The following HPD variants were observed in gnomAD, a reference collection of about 807,000 sequenced individuals.
HPD encodes the protein 4-hydroxyphenylpyruvate dioxygenase, also known as 4-hydroxyphenylpyruvic acid oxidase.
HPD carries 35 observed loss-of-function variants against 56.9 expected under a neutral mutation model. The ratio of observed to expected loss-of-function variants is 0.62; its 90% CI spans 0.47 to 0.82. The LOEUF (loss-of-function observed/expected upper bound fraction) is 0.82, where lower values mean the gene tolerates loss of function less well. Among genes scored for constraint, HPD ranks in the 40% least tolerant of loss-of-function variants. The probability of loss-of-function intolerance (pLI) is 0.00; values close to 1 mark genes in which losing one functional copy is unlikely to be tolerated. For synonymous variants in HPD, 186 were observed against 200.2 expected, an observed-to-expected ratio of 0.93 and a Z score of 0.60; for missense variants, 442 against 506.8, an observed-to-expected ratio of 0.87 and a Z score of 1.23.
At position 121,851,415 on chromosome 12, in the gene HPD, T is replaced by TGGCTCACTGCAACCTC. The variant is rs1283004886; in HGVS notation, c.415-1641_415-1626dup. ...AGGCTGGAGTACAGTGGTGCAACCT[T>TGGCTCACTGCAACCTC]GGCTCACTGCAACCTCTGTCTCCCG... On this transcript the variant is annotated intron_variant, in intron 7 of 13. Transcript: ENST00000289004. Among the ~76,000 whole-genome samples, 8 of 152,018 alleles carry TGGCTCACTGCAACCTC rather than the reference T, an allele frequency of 5.3e-5. No homozygotes were observed. The East Asian group carries it at 1.6e-3, about 30-fold the overall frequency.
chr12:121,850,290 C>T (rs1047530275), intron 7 of HPD, among the ~76,000 whole-genome samples: 5 of 151,386 alleles, frequency 3.3e-5, no homozygotes, highest in Admixed American at 6.6e-5. Context: ...GGTGTGGTGG[C>T]GTGGCGGGTG....
chr12:121,886,305 T>G, the HPD span, among the ~76,000 whole-genome samples: 1 of 151,526 alleles, frequency 6.6e-6, no homozygotes, highest in Non-Finnish European at 1.5e-5. Context: ...AGATGGAGTT[T>G]CACCGTGTTA....
intron 6 of HPD, 46 bp from the exon 7 acceptor site, chr12:121,854,838 C>T: frequency 6.9e-7 from 1 of 1,457,234 alleles, no homozygotes; most frequent in Non-Finnish European, 9.6e-7. Flanking sequence ...CTGGAGCCTT[C>T]CAGAACCCTT....
At chr12:121,847,278 T>C in intron 9 of HPD, 64 bp from the exon 10 acceptor site, 1 of 1,484,926 alleles carries the variant, frequency 6.7e-7, no homozygotes, top group Non-Finnish European at 9.4e-7. Context: ...CCATCACCCA[T>C]TTCCACCTTC....
At chr12:121,888,018 T>C in the HPD span, among the ~76,000 whole-genome samples, 1 of 152,222 alleles carries the variant, frequency 6.6e-6, no homozygotes, top group Non-Finnish European at 1.5e-5. Flanking sequence ...AATTGGTTAT[T>C]GAGACGGTTT....
At chr12:121,858,598 T>C (rs1464486229) in intron 2 of HPD, 89 bp downstream of exon 2, 1 of 1,292,546 alleles carries the variant, frequency 7.7e-7, no homozygotes, top group Admixed American at 1.7e-5. Flanking sequence ...GTCCTTCCTC[T>C]TCTGCTCTCT....
At chr12:121,852,632 T>C (rs1310486721) in intron 7 of HPD, among the ~76,000 whole-genome samples, 2 of 53,398 alleles carry the variant, frequency 3.7e-5, no homozygotes, top group African/African-American at 1.2e-4. Context: ...CTTTTTTTTT[T>C]TTTTTTTTTT....
At position 121,856,569 on chromosome 12, in the gene HPD, C is replaced by T. The variant is rs200106479; in HGVS notation, c.241+14G>A. The stretch of plus-strand genomic sequence containing the variant: ...CCCACAGAGCCATGCGTCCACCCTC[C>T]CCGGGCACCTCACCTTTGTTCCAGG... On this transcript the variant is annotated intron_variant, in intron 5 of 13. Transcript: ENST00000289004. 9 of 1,613,958 alleles carry T rather than the reference C, an allele frequency of 5.6e-6. No individual in the cohort carries two copies. In the East Asian group the frequency reaches 6.7e-5, roughly 12 times the overall value.
chr12:121,884,605 A>ATC, the HPD span, among the ~76,000 whole-genome samples: 9 of 150,928 alleles, frequency 6.0e-5, no homozygotes, highest in Non-Finnish European at 1.0e-4. Context: ...CTGCACCTGT[A>ATC]TCTCTCTCTC....
At chr12:121,862,595 CCT>C (rs1491337238), upstream of HPD, among the ~76,000 whole-genome samples, 1 of 102,306 alleles carries the variant, frequency 9.8e-6, no homozygotes, top group African/African-American at 4.0e-5. Flanking sequence ...CCGCTCTCGG[CCT>C]TTTTTTTTTT....
At position 121,854,561 on chromosome 12, in the gene HPD, G is replaced by T. The variant is rs1877923781; in HGVS notation, c.414+142C>A. 22 of 748,958 alleles carry T rather than the reference G, an allele frequency of 2.9e-5. No individual in the cohort carries two copies. In the South Asian group the frequency reaches 3.1e-4, roughly 11 times the overall value. 46.4% of individuals were successfully genotyped at this position (748,958 alleles called of 1,614,324 possible). On this transcript the variant is annotated intron_variant, in intron 7 of 13. Transcript: ENST00000289004. ...CCTGCAGTCCCCGTACACTGGCCAG[G>T]CAATACGGGGGACAGACTTGAGGGA...
intron 11 of HPD, among the ~76,000 whole-genome samples, chr12:121,845,391 T>C (rs1243355718): frequency 6.7e-6 from 1 of 149,078 alleles, no homozygotes; most frequent in Non-Finnish European, 1.5e-5. Context: ...GATCAGGAGA[T>C]CGAGACCATC....
At chr12:121,843,955 C>G (rs1592916008) in intron 11 of HPD, 123 bp from the exon 12 acceptor site, 1 of 1,070,298 alleles carries the variant, frequency 9.3e-7, no homozygotes, top group Non-Finnish European at 1.4e-6. Context: ...TGCCAGGATG[C>G]TGTGTGGCCT....
the HPD span, among the ~76,000 whole-genome samples, chr12:121,879,117 G>A: frequency 1.3e-5 from 2 of 151,812 alleles, no homozygotes; most frequent in Non-Finnish European, 2.9e-5. Flanking sequence ...AAGCTCTGTC[G>A]CTACTAAAAA....
In HPD at chr12:121,846,898, C is replaced by A; in HGVS notation, c.795G>T (p.Gln265His). The A allele has an allele frequency of 6.2e-7, 1 of 1,614,122 alleles. No individual in the cohort carries two copies. Among genetic ancestry groups the A allele is most frequent in the Non-Finnish European group, 8.5e-7 (1 of 1,180,000 alleles). ...TGTCTTCGGTCTTGAGAGCGATGTG[C>A]TGGACCCCAGCGCCCCCGTTATAGT... ...YVDYNGGAGV[Q>H]HIALKTEDII... Residue 265 changes from glutamine (Q) to histidine (H), a missense_variant, in exon 11 of 14, where the codon CAG becomes CAT. Physicochemically the swap from Gln to His is conservative, Grantham distance 24 (BLOSUM62 0). Transcript: ENST00000289004.
the HPD span, among the ~76,000 whole-genome samples, chr12:121,870,085 ATTT>A: frequency 7.1e-6 from 1 of 140,068 alleles, no homozygotes. Flanking sequence ...GCGTAAGCTG[ATTT>A]TTTTTTTTTT....
chr12:121,874,338 C>T, the HPD span: 2 of 152,126 alleles, frequency 1.3e-5, no homozygotes, highest in African/African-American at 2.4e-5. Flanking sequence ...GTTCCTAGGC[C>T]GTGTGCGGTG....
At chr12:121,840,089 C>T (rs1195679829) in intron 12 of HPD, 41 bp from the exon 13 acceptor site, 3 of 1,344,098 alleles carry the variant, frequency 2.2e-6, no homozygotes, top group African/African-American at 2.9e-5. Flanking sequence ...GAGGCTGGCA[C>T]GGTGAGATCC....
the HPD span, among the ~76,000 whole-genome samples, chr12:121,881,539 C>A: frequency 6.6e-6 from 1 of 152,148 alleles, no homozygotes; most frequent in Admixed American, 6.6e-5. Context: ...CCAAACCCTC[C>A]CTTCTCTTGC....
Sources: allele counts gnomAD v4.1 joint callset (sites outside exome capture counted in the v4.1 genomes callset), GRCh38; gene constraint gnomAD v4.1.1; transcripts MANE v1.5; gene names NCBI Gene and HGNC (gene_info 2026-07-23, HGNC 2026-07-21).